The following STAC variants were observed in gnomAD, a reference collection of about 807,000 sequenced individuals.
STAC encodes SH3 and cysteine-rich domain-containing protein.
Under a neutral mutation model 48.8 loss-of-function variants are expected in STAC, and 43 were observed. The observed-to-expected ratio is 0.88, with a 90% CI of 0.69 to 1.14. STAC has a LOEUF of 1.14. Among genes scored for constraint, STAC ranks in the 50% most tolerant of loss-of-function variants. The pLI, the probability that STAC is intolerant of heterozygous loss-of-function variation, is 0.00. For synonymous variants in STAC, 193 were observed against 179.5 expected (o/e 1.07, Z -0.60); for missense variants, 497 against 504.0 (o/e 0.99, Z 0.13).
chr3:36,425,499 A>T (rs1428135448), intron 1 of STAC, among the ~76,000 whole-genome samples: 1 of 152,232 alleles, frequency 6.6e-6, no homozygotes, highest in Non-Finnish European at 1.5e-5. Context: ...CCTGGATTGG[A>T]TCCTGGACCA....
At chr3:36,511,778 C>G (rs1458426405) in intron 8 of STAC, among the ~76,000 whole-genome samples, 1 of 152,162 alleles carries the variant, frequency 6.6e-6, no homozygotes, top group Non-Finnish European at 1.5e-5. Context: ...CACACATGGT[C>G]CACCACCTCA....
At chr3:36,399,263 C>G (rs1163538894) in intron 1 of STAC, among the ~76,000 whole-genome samples, 1 of 152,312 alleles carries the variant, frequency 6.6e-6, no homozygotes, top group East Asian at 1.9e-4. Flanking sequence ...CTGGATTGGG[C>G]ACCCACAGCA....
At chr3:36,425,156 A>T (rs1348511101) in intron 1 of STAC, among the ~76,000 whole-genome samples, 1 of 152,228 alleles carries the variant, frequency 6.6e-6, no homozygotes, top group South Asian at 2.1e-4. Context: ...AAGGGGAAAG[A>T]GGTAACTTTA....
At chr3:36,425,417 A>G (rs1700540799) in intron 1 of STAC, among the ~76,000 whole-genome samples, 1 of 152,226 alleles carries the variant, frequency 6.6e-6, no homozygotes, top group East Asian at 1.9e-4. Flanking sequence ...TGAAAGGCAA[A>G]GTAAGACTGA....
At chr3:36,398,348 AAAGAAAGAAAGAAAG>A (rs1699904217) in intron 1 of STAC, among the ~76,000 whole-genome samples, 1 of 138,020 alleles carries the variant, frequency 7.2e-6, no homozygotes, top group Non-Finnish European at 1.6e-5. Context: ...AGAAAGAAAG[AAAGAAAGAAAGAAAG>A]AAAGAAAAGA....
chr3:36,480,725 C>T (rs142172940), intron 2 of STAC, among the ~76,000 whole-genome samples: 2 of 152,298 alleles, frequency 1.3e-5, no homozygotes, highest in African/African-American at 4.8e-5. Flanking sequence ...TTCAAGTTCC[C>T]CCTTTCAGCT....
intron 1 of STAC, among the ~76,000 whole-genome samples, chr3:36,388,433 T>A (rs1469762373): frequency 6.6e-6 from 1 of 152,058 alleles, no homozygotes; most frequent in Non-Finnish European, 1.5e-5. Context: ...GATTGAAATT[T>A]GTCTTTTTTC....
chr3:36,431,393 G>A (rs1700701167), intron 1 of STAC, among the ~76,000 whole-genome samples: 1 of 152,110 alleles, frequency 6.6e-6, no homozygotes, highest in Admixed American at 6.5e-5. Flanking sequence ...CCCGTGTTGG[G>A]CTTTATGGCC....
chr3:36,532,340 T>G (rs1699092697), intron 10 of STAC, among the ~76,000 whole-genome samples: 1 of 152,240 alleles, frequency 6.6e-6, no homozygotes, highest in African/African-American at 2.4e-5. Context: ...TTATATGATA[T>G]GCCCACTTTA....
intron 1 of STAC, among the ~76,000 whole-genome samples, chr3:36,413,502 C>CT (rs904338140): frequency 3.3e-5 from 5 of 151,908 alleles, no homozygotes; most frequent in African/African-American, 7.3e-5. Flanking sequence ...ACAACCCCTG[C>CT]TTTTTTTTGT....
At chr3:36,381,592 C>T (rs1237968551) in intron 1 of STAC, among the ~76,000 whole-genome samples, 1 of 152,038 alleles carries the variant, frequency 6.6e-6, no homozygotes, top group Non-Finnish European at 1.5e-5. Flanking sequence ...TTGTGCGATC[C>T]CCAGGCATTT....
intron 1 of STAC, among the ~76,000 whole-genome samples, chr3:36,405,839 C>G (rs996722601): frequency 3.3e-5 from 5 of 152,198 alleles, no homozygotes; most frequent in Non-Finnish European, 2.9e-5. Flanking sequence ...ACTGCTTCAG[C>G]CTCCCAAGTA....
At chr3:36,503,465 C>T (rs964408574) in intron 6 of STAC, among the ~76,000 whole-genome samples, 3 of 152,150 alleles carry the variant, frequency 2.0e-5, no homozygotes, top group East Asian at 1.9e-4. Flanking sequence ...GAGTCTCACT[C>T]TATCACCCAG....
intron 10 of STAC, among the ~76,000 whole-genome samples, chr3:36,544,820 C>G (rs1462207704): frequency 6.6e-6 from 1 of 152,216 alleles, no homozygotes; most frequent in Non-Finnish European, 1.5e-5. Context: ...ATCTGCTCTT[C>G]ATGAAACAGT....
intron 6 of STAC, among the ~76,000 whole-genome samples, chr3:36,500,524 T>C (rs931236242): frequency 1.3e-5 from 2 of 152,070 alleles, no homozygotes; most frequent in African/African-American, 4.8e-5. Flanking sequence ...GATGGGTTGA[T>C]AGATACAGCA....
chr3:36,511,735 G>A (rs1208520791), intron 8 of STAC, among the ~76,000 whole-genome samples: 3 of 152,136 alleles, frequency 2.0e-5, no homozygotes, highest in Non-Finnish European at 4.4e-5. Flanking sequence ...AGCGACCTGG[G>A]CTTTCCCAAT....
chr3:36,520,771 G>A (rs1367980847), intron 8 of STAC, among the ~76,000 whole-genome samples: 1 of 152,140 alleles, frequency 6.6e-6, no homozygotes, highest in African/African-American at 2.4e-5. Flanking sequence ...TGTCACTAAT[G>A]TGTTTAGCAG....
At chr3:36,414,905 C>T (rs545243028) in intron 1 of STAC, among the ~76,000 whole-genome samples, 20 of 152,334 alleles carry the variant, frequency 1.3e-4, no homozygotes, top group Admixed American at 1.3e-3. Flanking sequence ...CCCTCAGCTG[C>T]AGGTCTGTTG....
intron 6 of STAC, among the ~76,000 whole-genome samples, chr3:36,496,620 C>T (rs1421573930): frequency 6.6e-6 from 1 of 152,166 alleles, no homozygotes; most frequent in Admixed American, 6.5e-5. Flanking sequence ...TATAAATGAT[C>T]CTTGGCAGGT....
Sources: gnomAD v4.1 joint callset for allele counts (sites outside exome capture counted in the v4.1 genomes callset) on GRCh38, gnomAD v4.1.1 for gene constraint, MANE v1.5 for transcripts, NCBI Gene and HGNC (gene_info 2026-07-23, HGNC 2026-07-21) for gene names.